TMEM135: variants seen among roughly 807,000 people sequenced by gnomAD.
TMEM135 encodes transmembrane protein 135, also known as peroxisomal membrane protein 52.
A neutral mutation model predicts 60.3 loss-of-function variants in TMEM135; 30 were observed. The observed-to-expected ratio is 0.50, with a 90% CI of 0.37 to 0.68. TMEM135 has a LOEUF of 0.68. TMEM135 is among the 30% of genes least tolerant of loss of function. TMEM135 has a pLI of 0.00. For missense variants in TMEM135, 468 were observed against 548.8 expected, an observed-to-expected ratio of 0.85 and a Z score of 1.47; for synonymous variants, 190 against 186.7, an observed-to-expected ratio of 1.02 and a Z score of -0.14.
chr11:87,141,881 T>C (rs944063958), intron 4 of TMEM135, among the ~76,000 whole-genome samples: 1 of 152,222 alleles, frequency 6.6e-6, no homozygotes, highest in Non-Finnish European at 1.5e-5. Flanking sequence ...TCTTACCTTA[T>C]ACAGCAGCAG....
intron 4 of TMEM135, among the ~76,000 whole-genome samples, chr11:87,129,742 T>C (rs563069476): frequency 3.3e-5 from 5 of 152,048 alleles, no homozygotes; most frequent in Non-Finnish European, 7.4e-5. Flanking sequence ...GGTTTTGCCA[T>C]GTTAGCCATG....
chr11:87,264,229 CTCTG>C (rs1941706467), intron 6 of TMEM135, among the ~76,000 whole-genome samples: 1 of 143,494 alleles, frequency 7.0e-6, no homozygotes, highest in African/African-American at 2.5e-5. Context: ...TGTCTATGAT[CTCTG>C]TCTATGTTTC....
At chr11:87,238,126 G>A (rs1418949917) in intron 6 of TMEM135, among the ~76,000 whole-genome samples, 2 of 151,802 alleles carry the variant, frequency 1.3e-5, no homozygotes, top group Non-Finnish European at 1.5e-5. Context: ...CAACAAACAT[G>A]GGAGTACAGA....
chr11:87,094,086 G>C (rs888344350), intron 4 of TMEM135, among the ~76,000 whole-genome samples: 2 of 151,896 alleles, frequency 1.3e-5, no homozygotes, highest in African/African-American at 4.8e-5. Context: ...AGACAATACT[G>C]ATTTTATACA....
chr11:87,261,092 C>A (rs774227204), intron 6 of TMEM135, among the ~76,000 whole-genome samples: 1 of 152,108 alleles, frequency 6.6e-6, no homozygotes, highest in Admixed American at 6.6e-5. Flanking sequence ...ATTCTAGTAC[C>A]TCACAACAAG....
intron 7 of TMEM135, among the ~76,000 whole-genome samples, chr11:87,296,636 G>GATT (rs1591177270): frequency 6.6e-6 from 1 of 152,188 alleles, no homozygotes; most frequent in East Asian, 1.9e-4. Context: ...TTGTCTCAAG[G>GATT]TTATTTTGAG....
intron 5 of TMEM135, among the ~76,000 whole-genome samples, chr11:87,184,749 A>G (rs868291999): frequency 6.6e-6 from 1 of 152,138 alleles, no homozygotes; most frequent in African/African-American, 2.4e-5. Flanking sequence ...TTCTAGCACA[A>G]TGCCTGGAAT....
intron 4 of TMEM135, among the ~76,000 whole-genome samples, chr11:87,106,351 G>A (rs180926937): frequency 3.3e-5 from 5 of 152,158 alleles, no homozygotes; most frequent in African/African-American, 1.2e-4. Flanking sequence ...TGACCCATCC[G>A]CCTTAGCCTC....
At chr11:87,210,259 G>T (rs301591) in intron 5 of TMEM135, among the ~76,000 whole-genome samples, 2 of 151,990 alleles carry the variant, frequency 1.3e-5, no homozygotes. Context: ...CAGGATTGTT[G>T]TGGCACTAGC....
intron 4 of TMEM135, 121 bp from the exon 5 acceptor site, chr11:87,157,220 C>A: frequency 1.1e-6 from 1 of 896,946 alleles, no homozygotes; most frequent in Non-Finnish European, 1.8e-6. Context: ...ATTGATCGTT[C>A]TCTAGAAGTT....
At chr11:87,177,924 G>A (rs1181616574) in intron 5 of TMEM135, among the ~76,000 whole-genome samples, 1 of 152,084 alleles carries the variant, frequency 6.6e-6, no homozygotes, top group African/African-American at 2.4e-5. Context: ...ATGTTATATA[G>A]TTTTATTATA....
At chr11:87,226,526 A>G (rs1591119002) in intron 5 of TMEM135, among the ~76,000 whole-genome samples, 1 of 152,336 alleles carries the variant, frequency 6.6e-6, no homozygotes, top group Middle Eastern at 3.4e-3. Flanking sequence ...TCTAACTTCC[A>G]GGATATAGTT....
intron 4 of TMEM135, among the ~76,000 whole-genome samples, chr11:87,110,234 A>G (rs1166937914): frequency 3.9e-5 from 6 of 152,174 alleles, no homozygotes; most frequent in Non-Finnish European, 7.3e-5. Context: ...ATAGTTTTCC[A>G]ACTCAAATTA....
intron 5 of TMEM135, among the ~76,000 whole-genome samples, chr11:87,235,321 T>C (rs1429720099): frequency 6.6e-6 from 1 of 151,640 alleles, no homozygotes; most frequent in African/African-American, 2.4e-5. Context: ...AGAGTATGTG[T>C]GTTTAGCACA....
intron 6 of TMEM135, among the ~76,000 whole-genome samples, chr11:87,260,178 A>C (rs949283752): frequency 1.6e-4 from 24 of 152,236 alleles, no homozygotes; most frequent in African/African-American, 5.5e-4. Flanking sequence ...AATTGAGCTT[A>C]TCAGGTTAGA....
At chr11:87,274,498 C>T (rs1428390524) in intron 6 of TMEM135, among the ~76,000 whole-genome samples, 1 of 152,098 alleles carries the variant, frequency 6.6e-6, no homozygotes, top group African/African-American at 2.4e-5. Flanking sequence ...GATTCTTTTT[C>T]AGAAAGACTA....
intron 5 of TMEM135, among the ~76,000 whole-genome samples, chr11:87,189,899 G>C (rs1233084801): frequency 6.6e-6 from 1 of 152,044 alleles, no homozygotes; most frequent in African/African-American, 2.4e-5. Flanking sequence ...CTGGGTGACA[G>C]AGCAAGATCC....
At chr11:87,126,989 G>T (rs566718447) in intron 4 of TMEM135, among the ~76,000 whole-genome samples, 5 of 152,260 alleles carry the variant, frequency 3.3e-5, no homozygotes, top group African/African-American at 9.6e-5. Flanking sequence ...ATATATAAGT[G>T]TAGATAAAAA....
At chr11:87,116,570 A>G (rs1857884551) in intron 4 of TMEM135, among the ~76,000 whole-genome samples, 2 of 115,072 alleles carry the variant, frequency 1.7e-5, no homozygotes, top group Admixed American at 1.0e-4. Flanking sequence ...TAGGATTGGT[A>G]TAAATTGATT....
Sources: allele counts gnomAD v4.1 joint callset (sites outside exome capture counted in the v4.1 genomes callset), GRCh38; gene constraint gnomAD v4.1.1; transcripts MANE v1.5; gene names NCBI Gene and HGNC (gene_info 2026-07-23, HGNC 2026-07-21).